The following PRUNE2 variants were observed in gnomAD, a reference collection of about 807,000 sequenced individuals.
PRUNE2 encodes protein prune homolog 2.
In PRUNE2, 164 loss-of-function variants were observed where a neutral mutation model predicts 252.0. The ratio of observed to expected loss-of-function variants is 0.65; its 90% CI spans 0.57 to 0.74. The LOEUF (loss-of-function observed/expected upper bound fraction) is 0.74, where lower values mean the gene tolerates loss of function less well. Among genes scored for constraint, PRUNE2 ranks in the 30% least tolerant of loss-of-function variants. PRUNE2 has a pLI of 0.00. For synonymous variants in PRUNE2, 1,292 were observed against 1,350.2 expected (o/e 0.96, Z 0.94); for missense variants, 3,495 against 3,711.0 (o/e 0.94, Z 1.51).
chr9:76,896,295 T>C (rs1483108114), intron 1 of PRUNE2, among the ~76,000 whole-genome samples: 4 of 152,252 alleles, frequency 2.6e-5, no homozygotes, highest in African/African-American at 9.6e-5. Flanking sequence ...CCAGCATTTC[T>C]GTGAATGATT....
Position 76,906,053 on chromosome 9 carries a change from G to T in PRUNE2, c.-90C>A. On this transcript the variant is annotated 5_prime_UTR_variant, in exon 1 of 19. Transcript: ENST00000376718. ...AAGACGAGCGGGGTCCCGGGAAAGTGGCCCGCCGGGGCGCAGCGACCGACT... is the reference window on the plus strand; with the variant it reads ...AAGACGAGCGGGGTCCCGGGAAAGTTGCCCGCCGGGGCGCAGCGACCGACT... 1 of 1,396,540 alleles carries T rather than the reference G, an allele frequency of 7.2e-7. No individual in the cohort carries two copies. The highest frequency in any genetic ancestry group is 1.0e-6 in the Non-Finnish European group (1 of 985,702). The allele number at this position is 1,396,540 out of a possible 1,614,324, so 86.5% of individuals were successfully genotyped here.
chr9:76,626,293 T>G (rs1433887387), intron 16 of PRUNE2, among the ~76,000 whole-genome samples: 2 of 152,256 alleles, frequency 1.3e-5, no homozygotes, highest in Non-Finnish European at 2.9e-5. Context: ...TTCTTTCATT[T>G]AAGCCCTTTG....
chr9:76,803,269 A>G (rs1246137262), intron 6 of PRUNE2, among the ~76,000 whole-genome samples: 1 of 152,240 alleles, frequency 6.6e-6, no homozygotes, highest in African/African-American at 2.4e-5. Flanking sequence ...TAACAGAAGC[A>G]TTTACAAAGA....
intron 9 of PRUNE2, among the ~76,000 whole-genome samples, chr9:76,688,628 C>T (rs1410789836): frequency 6.6e-6 from 1 of 152,202 alleles, no homozygotes; most frequent in Non-Finnish European, 1.5e-5. Flanking sequence ...ACAGTTCCAG[C>T]CTTGACTTCC....
chr9:76,736,749 T>A (rs11145033), intron 6 of PRUNE2: 24,008 of 152,232 alleles, frequency 0.16, 2,291 homozygotes, highest in East Asian at 0.5. Flanking sequence ...TTTTAACATA[T>A]GAAGTTTGGG....
intron 9 of PRUNE2, among the ~76,000 whole-genome samples, chr9:76,662,955 A>T (rs139906891): frequency 6.6e-6 from 1 of 152,174 alleles, no homozygotes; most frequent in African/African-American, 2.4e-5. Flanking sequence ...CACAAACAAA[A>T]CCTTTCATGA....
At chr9:76,863,320 A>G (rs1280504924) in intron 1 of PRUNE2, 1 of 152,164 alleles carries the variant, frequency 6.6e-6, no homozygotes, top group Non-Finnish European at 1.5e-5. Flanking sequence ...TATCATGTTG[A>G]TCGGTAATGT....
intron 16 of PRUNE2, among the ~76,000 whole-genome samples, chr9:76,628,866 G>C (rs746119324): frequency 2.8e-5 from 3 of 108,678 alleles, no homozygotes; most frequent in Non-Finnish European, 5.9e-5. Context: ...TTTTTTTTTT[G>C]ATACAGGGTC....
At chr9:76,856,049 C>T (rs2060233905) in intron 1 of PRUNE2, among the ~76,000 whole-genome samples, 1 of 152,200 alleles carries the variant, frequency 6.6e-6, no homozygotes, top group Non-Finnish European at 1.5e-5. Flanking sequence ...CTGCAGAATG[C>T]TATTCTTCCG....
chr9:76,852,543 A>C (rs1361857), intron 2 of PRUNE2, among the ~76,000 whole-genome samples: 1 of 149,412 alleles, frequency 6.7e-6, no homozygotes, highest in Non-Finnish European at 1.5e-5. Flanking sequence ...AAATGGGGTC[A>C]CACGCATGAG....
intron 15 of PRUNE2, 124 bp downstream of exon 15, chr9:76,636,347 A>T: frequency 1.6e-6 from 1 of 643,472 alleles, no homozygotes; most frequent in Non-Finnish European, 2.8e-6. Flanking sequence ...CTTTCTAGGA[A>T]AGACAGAGAC....
chr9:76,676,527 T>G (rs2042618863), intron 9 of PRUNE2, among the ~76,000 whole-genome samples: 1 of 152,188 alleles, frequency 6.6e-6, no homozygotes, highest in Non-Finnish European at 1.5e-5. Context: ...AATACATTGT[T>G]AATAGCAGTT....
rs2131771246 is a variant in PRUNE2 at position 76,613,888 on chromosome 9, TG to T, written c.*681del. 1 of 152,070 alleles carries T rather than the reference TG, an allele frequency of 6.6e-6. No individual in the cohort carries two copies. Among genetic ancestry groups the T allele is most frequent in the East Asian group, 1.9e-4 (1 of 5,156 alleles). The allele number at this position is 152,070 out of a possible 1,614,324, so 9.4% of individuals were successfully genotyped here. On this transcript the variant is annotated 3_prime_UTR_variant, in exon 19 of 19. Coordinates refer to ENST00000376718, the MANE Select transcript of PRUNE2 (RefSeq NM_015225.3). Reference sequence around the variant, plus strand: ...ACACGGATTCTTAAATTTCACAATGTGGTGGTCACCAACATTCATCAGGAAA... The same window carrying T: ...ACACGGATTCTTAAATTTCACAATGTGTGGTCACCAACATTCATCAGGAAA...
At chr9:76,887,238 C>A (rs1031274552) in intron 1 of PRUNE2, among the ~76,000 whole-genome samples, 2 of 152,072 alleles carry the variant, frequency 1.3e-5, no homozygotes, top group African/African-American at 4.8e-5. Flanking sequence ...ATGAAAACAA[C>A]CCCTGCTCAA....
chr9:76,789,230 A>AT (rs1350550214), intron 6 of PRUNE2, among the ~76,000 whole-genome samples: 11 of 152,176 alleles, frequency 7.2e-5, no homozygotes, highest in Non-Finnish European at 1.5e-4. Context: ...ATAGTGTTTT[A>AT]CCTGTGACGA....
chr9:76,666,116 T>C (rs1342319428), intron 9 of PRUNE2, among the ~76,000 whole-genome samples: 1 of 152,160 alleles, frequency 6.6e-6, no homozygotes, highest in Non-Finnish European at 1.5e-5. Flanking sequence ...AGTGTGAGCC[T>C]TCTGTTATGC....
At chr9:76,678,813 G>A (rs970975792) in intron 9 of PRUNE2, among the ~76,000 whole-genome samples, 6 of 152,228 alleles carry the variant, frequency 3.9e-5, no homozygotes, top group African/African-American at 1.2e-4. Flanking sequence ...GGGCGACAAA[G>A]TGAGACTCCG....
chr9:76,843,998 G>T (rs2059538961), intron 4 of PRUNE2, among the ~76,000 whole-genome samples: 1 of 152,178 alleles, frequency 6.6e-6, no homozygotes, highest in African/African-American at 2.4e-5. Flanking sequence ...AAAGTGCTAG[G>T]ATTACAGGCG....
rs79837379 is a variant in PRUNE2, at chr9:76,760,228, G to A, written c.757-46507C>T. The stretch of plus-strand genomic sequence containing the variant: ...GCACCCGGCACACAGCAGGCACTCC[G>A]TATATGTTTCTGAATGAATGGATGG... On this transcript the variant is annotated intron_variant, in intron 6 of 18. Transcript: ENST00000376718. 1.1e-3 allele frequency among the ~76,000 whole-genome samples: 168 copies of A among 152,154 alleles called. 2 individuals carry two copies. In the East Asian group the frequency reaches 0.026, roughly 24 times the overall value.
Sources: allele counts gnomAD v4.1 joint callset (sites outside exome capture counted in the v4.1 genomes callset), GRCh38; gene constraint gnomAD v4.1.1; transcripts MANE v1.5; gene names NCBI Gene and HGNC (gene_info 2026-07-23, HGNC 2026-07-21).